SBNO1: variants seen among roughly 807,000 people sequenced by gnomAD.
SBNO1 encodes the protein strawberry notch homolog 1, also known as protein strawberry notch homolog 1.
A neutral mutation model predicts 173.6 loss-of-function variants in SBNO1; 23 were observed. The ratio of observed to expected loss-of-function variants is 0.13; its 90% confidence interval spans 0.10 to 0.19. The LOEUF (loss-of-function observed/expected upper bound fraction) is 0.19, where lower values mean the gene tolerates loss of function less well. Among genes scored for constraint, SBNO1 ranks in the 10% least tolerant of loss-of-function variants. SBNO1 has a pLI of 1.00. For missense variants in SBNO1, 1,238 were observed against 1,671.2 expected, an observed-to-expected ratio of 0.74 and a Z score of 4.52; for synonymous variants, 632 against 571.5, an observed-to-expected ratio of 1.11 and a Z score of -1.51.
chr12:123,314,540 G>C (rs1046385550), intron 23 of SBNO1, among the ~76,000 whole-genome samples: 4 of 152,000 alleles, frequency 2.6e-5, no homozygotes, highest in Non-Finnish European at 4.4e-5. Flanking sequence ...ATGTTGGCCA[G>C]GATGGTCTCG....
At chr12:123,300,653 A>G (rs1002147336) in intron 30 of SBNO1, among the ~76,000 whole-genome samples, 10 of 143,874 alleles carry the variant, frequency 7.0e-5, no homozygotes, top group Middle Eastern at 4.1e-3. Flanking sequence ...GCGAGACTCC[A>G]TCTCAAAAAA....
rs1407475532 is a variant in SBNO1 at position 123,291,323 on chromosome 12, T to C, written c.*4585A>G. 6.6e-6 allele frequency: 1 copy of C among 152,180 alleles called. No individual in the cohort carries two copies. Among genetic ancestry groups the C allele is most frequent in the Non-Finnish European group, 1.5e-5 (1 of 68,032 alleles). 9.4% of individuals were successfully genotyped at this position (152,180 alleles called of 1,614,324 possible). A position where few individuals can be genotyped will look rare whatever the true frequency, so the allele number is the denominator to read the frequency against. ...AGAAATATGGTAAGGCCTGAAAAAT[T>C]GCAAAAGTAGAAGCAAGTCAGGTTT... On this transcript the variant is annotated 3_prime_UTR_variant, in exon 32 of 32. Coordinates refer to ENST00000602398, the MANE Select transcript of SBNO1 (RefSeq NM_001167856.3).
intron 5 of SBNO1, among the ~76,000 whole-genome samples, chr12:123,340,319 G>A (rs1228450175): frequency 6.6e-6 from 1 of 152,050 alleles, no homozygotes; most frequent in African/African-American, 2.4e-5. Context: ...AGTGGCTCAC[G>A]CCTGTAATCT....
rs1013838525 is a variant in SBNO1, at chr12:123,334,151, G to A, written c.811C>T (p.Pro271Ser). ...GATGTTTTGTACCAAACATCAGGAG[G>A]AGTAACACTGGATAAAGAGCTGGTT... Reference protein sequence around the residue: ...VETSSLSSVTPPDVWYKTSIS... With the variant: ...VETSSLSSVTSPDVWYKTSIS... Residue 271 changes from proline (P) to serine (S), a missense_variant, in exon 7 of 32, where the codon CCT (proline) becomes TCT (serine). Around this residue, in one of 14 missense-constraint regions of SBNO1, gnomAD observed 78 missense variants for 103.3 expected, o/e 0.76. Transcript: ENST00000602398. 2 of 1,603,972 alleles carry A rather than the reference G, an allele frequency of 1.2e-6. No homozygotes were observed. The highest frequency in any genetic ancestry group is 1.7e-6 in the Non-Finnish European group (2 of 1,176,050).
At chr12:123,307,167 T>G (rs1270189274) in intron 28 of SBNO1, among the ~76,000 whole-genome samples, 1 of 151,816 alleles carries the variant, frequency 6.6e-6, no homozygotes, top group African/African-American at 2.4e-5. Context: ...CTTATCAGCC[T>G]GGGTGACAGA....
chr12:123,310,982 C>G (rs1440434842), intron 25 of SBNO1, 73 bp downstream of exon 25: 8 of 1,145,900 alleles, frequency 7.0e-6, no homozygotes, highest in Admixed American at 5.2e-5. Flanking sequence ...CCCTTCAGCT[C>G]AAAAGCATAT....
intron 29 of SBNO1, among the ~76,000 whole-genome samples, chr12:123,303,595 G>A (rs780846525): frequency 6.6e-6 from 1 of 152,172 alleles, no homozygotes; most frequent in Non-Finnish European, 1.5e-5. Context: ...GTTACAGTGA[G>A]CCAAGATCGC....
chr12:123,342,399 C>T (rs1295225262), intron 4 of SBNO1, among the ~76,000 whole-genome samples: 2 of 151,882 alleles, frequency 1.3e-5, no homozygotes, highest in Non-Finnish European at 2.9e-5. Context: ...TGCAATGAGC[C>T]GAGATCGCGC....
At chr12:123,332,046 TCAC>T (rs1871280356) in intron 7 of SBNO1, among the ~76,000 whole-genome samples, 1 of 151,208 alleles carries the variant, frequency 6.6e-6, no homozygotes, top group Non-Finnish European at 1.5e-5. Flanking sequence ...AGACAGGGTT[TCAC>T]CACGTTGACC....
Position 123,295,931 on chromosome 12 carries a change from T to C in SBNO1, c.4159A>G (p.Ile1387Val), listed in dbSNP as rs748694373. Residue 1387 changes from isoleucine to valine, a missense_variant, in exon 32 of 32, where the codon ATC becomes GTC. Ile to Val is a conservative substitution (Grantham distance 29, BLOSUM62 3). Transcript: ENST00000602398. ...CTTCATGCGTTGCTCAAGTTGGTGA[T>C]GCTCTGAGGGTGATGCTGTTGCCAT... ...QLWQQHHPQSITNLSNA is the reference protein window; with the variant it reads ...QLWQQHHPQSVTNLSNA The C allele has an allele frequency of 6.2e-7, 1 of 1,613,214 alleles. No homozygotes were observed. The highest frequency in any genetic ancestry group is 8.5e-7 in the Non-Finnish European group (1 of 1,179,134).
chr12:123,302,924 T>G, intron 29 of SBNO1, 24 bp from the exon 30 acceptor site: 1 of 1,559,300 alleles, frequency 6.4e-7, no homozygotes. Flanking sequence ...AAGAATTTCA[T>G]TGAAAACAGT....
chr12:123,340,888 C>T (rs886441846), intron 5 of SBNO1, 100 bp downstream of exon 5: 14 of 742,792 alleles, frequency 1.9e-5, no homozygotes, highest in Non-Finnish European at 3.2e-5. Context: ...TTCTTCCCAA[C>T]CCAAAAACAG....
At chr12:123,313,546 C>A in intron 24 of SBNO1, 74 bp downstream of exon 24, 2 of 771,220 alleles carry the variant, frequency 2.6e-6, no homozygotes, top group Non-Finnish European at 4.2e-6. Flanking sequence ...AATATAACAG[C>A]AAACATTACA....
intron 31 of SBNO1, 125 bp downstream of exon 31, chr12:123,297,853 G>T: frequency 1.2e-6 from 1 of 800,632 alleles, no homozygotes; most frequent in Non-Finnish European, 2.0e-6. Context: ...TATAAAACGG[G>T]TCCCATACCC....
Position 123,340,408 on chromosome 12 carries a change from C to T in SBNO1, c.651+580G>A, listed in dbSNP as rs527608240. On this transcript the variant is annotated intron_variant, in intron 5 of 31. Coordinates refer to ENST00000602398, the MANE Select transcript of SBNO1 (RefSeq NM_001167856.3). The stretch of plus-strand genomic sequence containing the variant: ...CCATCCTGGCCAACATGGTGAAACC[C>T]CATTTCTACTAAAAATACAAAAATT... Among the ~76,000 whole-genome samples the T allele has an allele frequency of 1.1e-4, 17 of 151,864 alleles. No homozygotes were observed. The South Asian group carries it at 2.5e-3, about 22-fold the overall frequency.
At chr12:123,363,572 G>A (rs867716429) in intron 1 of SBNO1, among the ~76,000 whole-genome samples, 4 of 152,082 alleles carry the variant, frequency 2.6e-5, no homozygotes, top group South Asian at 4.1e-4. Context: ...AGGTCAAAGG[G>A]GACCAGTTTA....
chr12:123,294,484 C>T lies in SBNO1; in HGVS notation c.*1424G>A, dbSNP rs2048555865. 6.6e-6 allele frequency: 1 copy of T among 152,634 alleles called. No homozygotes were observed. Among genetic ancestry groups the T allele is most frequent in the South Asian group, 2.0e-4 (1 of 4,880 alleles). The allele number at this position is 152,634 out of a possible 1,614,324, so 9.5% of individuals were successfully genotyped here. A position where few individuals can be genotyped will look rare whatever the true frequency, so the allele number is the denominator to read the frequency against. ...TCTGCTGAGTCCCCGTCACAGACTA[C>T]TTCTGAAGGTCACCAGTGAGGGCCT... On this transcript the variant is annotated 3_prime_UTR_variant, in exon 32 of 32. Transcript: ENST00000602398.
rs1555243375 is a variant in SBNO1 at position 123,296,555 on chromosome 12, G to GGT, written c.4040-506_4040-505insAC. 1.2e-4 allele frequency among the ~76,000 whole-genome samples: 17 copies of GGT among 140,478 alleles called. 1 individual carries two copies. In the East Asian group the frequency reaches 1.5e-3, roughly 13 times the overall value. The allele number at this position is 140,478 out of a possible 152,430, so 92.2% of individuals were successfully genotyped here. On this transcript the variant is annotated intron_variant, in intron 31 of 31. Transcript: ENST00000602398. ...ATAAATTGCATGCATATATATATGT[G>GGT]TTTTTTTTTTTGTTTTTTTTTTCTG...
intron 5 of SBNO1, 53 bp downstream of exon 5, chr12:123,340,935 T>C: frequency 8.9e-7 from 1 of 1,122,614 alleles, no homozygotes; most frequent in Non-Finnish European, 1.3e-6. Context: ...CACTTTTAGT[T>C]GAGTACACTC....
Sources: gnomAD v4.1 joint callset for allele counts (sites outside exome capture counted in the v4.1 genomes callset) on GRCh38, gnomAD v4.1.1 for gene constraint, gnomAD v4.1.1 regional missense constraint, MANE v1.5 for transcripts, NCBI Gene and HGNC (gene_info 2026-07-23, HGNC 2026-07-21) for gene names.